ELFN2: variants seen among roughly 807,000 people sequenced by gnomAD.
ELFN2 encodes the protein protein phosphatase 1 regulatory subunit 29.
A neutral mutation model predicts 45.5 loss-of-function variants in ELFN2; 17 were observed. That is an observed-to-expected ratio of 0.37 (90% CI 0.26 to 0.56). The LOEUF (loss-of-function observed/expected upper bound fraction) is 0.56. ELFN2 is among the 20% of genes least tolerant of loss of function. The pLI is 0.77. For missense variants in ELFN2, 922 were observed against 1,183.2 expected (o/e 0.78, Z 3.24); for synonymous variants, 550 against 551.5 (o/e 1.00, Z 0.04).
chr22:37,363,264 A>G (rs1315774842), downstream of ELFN2, among the ~76,000 whole-genome samples: 1 of 152,204 alleles, frequency 6.6e-6, no homozygotes, highest in Non-Finnish European at 1.5e-5. Context: ...ACTGAAGTCT[A>G]TAAATTCACA....
At chr22:37,422,405 A>AT (rs1390286832) in intron 1 of ELFN2, among the ~76,000 whole-genome samples, 1 of 151,920 alleles carries the variant, frequency 6.6e-6, no homozygotes. Context: ...TGGTTGTTTT[A>AT]TTGTTGCTGT....
At chr22:37,356,444 T>C (rs1930951572) in intron 1 of ELFN2, among the ~76,000 whole-genome samples, 1 of 151,802 alleles carries the variant, frequency 6.6e-6, no homozygotes, top group African/African-American at 2.4e-5. Context: ...GGATTCAGGG[T>C]CCTAGAGGTG....
At chr22:37,350,717 A>C (rs1180259691) in intron 1 of ELFN2, among the ~76,000 whole-genome samples, 1 of 150,390 alleles carries the variant, frequency 6.6e-6, no homozygotes, top group Non-Finnish European at 1.5e-5. Context: ...GAATTGTGTC[A>C]GGAGTGCCAG....
rs148502713 is a variant in ELFN2, at chr22:37,375,397, G to A, written c.138C>T (p.Tyr46=). 395 of 1,614,152 alleles carry A rather than the reference G, an allele frequency of 2.4e-4. No homozygotes were observed. Among genetic ancestry groups the A allele is most frequent in the Middle Eastern group, 2.0e-3 (12 of 6,062 alleles). ...TATTGATGTGCTGCGGGATGGTCTC[G>A]TAGGGCGGCTGGTTCTGGCTGCAGA... The part of the protein sequence containing the change: ...LAICSQNQPP[Y]ETIPQHINST... Residue 46 remains tyrosine, a synonymous_variant, in exon 3 of 3, where the codon TAC becomes TAT. Transcript: ENST00000402918.
At chr22:37,356,244 G>A (rs1451968269) in intron 1 of ELFN2, among the ~76,000 whole-genome samples, 2 of 152,090 alleles carry the variant, frequency 1.3e-5, no homozygotes, top group African/African-American at 2.4e-5. Context: ...ACCTGCCCCT[G>A]GGCTCTACCA....
rs1451494085 is a variant in ELFN2 at position 37,348,556 on chromosome 22, C to T, written n.149-5853G>A. 4.0e-5 allele frequency among the ~76,000 whole-genome samples: 6 copies of T among 150,808 alleles called. No homozygotes were observed. The South Asian group carries it at 6.3e-4, about 16-fold the overall frequency. On this transcript the variant is annotated intron_variant and non_coding_transcript_variant, in intron 1 of 2. Coordinates refer to ENST00000452946, the Ensembl canonical transcript of ELFN2. ...TGGCCTTGCAGGGAAAAGCAAGGTCCGGAAGGTGAGGCCCAGCCCCGGGCC... is the reference window on the plus strand; with the variant it reads ...TGGCCTTGCAGGGAAAAGCAAGGTCTGGAAGGTGAGGCCCAGCCCCGGGCC...
chr22:37,388,880 C>T (rs541054132), intron 2 of ELFN2, among the ~76,000 whole-genome samples: 1 of 152,224 alleles, frequency 6.6e-6, no homozygotes, highest in Non-Finnish European at 1.5e-5. Context: ...TTTTCCTGAC[C>T]TCACCCTCCA....
Position 37,373,940 on chromosome 22 carries a change from G to A in ELFN2, c.1595C>T (p.Ala532Val). The change falls in exon 3 of 3, where the codon GCA becomes GTA. Residue 532 changes from alanine to valine, a missense_variant. Ala to Val is a moderately conservative substitution (Grantham distance 64). Transcript: ENST00000402918. ...CTCCTTGGCAATGGTGGAGATCTCT[G>A]CAGCCGAGCCCTGGCCGTTCTCGAG... is the stretch of plus-strand genomic sequence containing the variant. ...PDLENGQGSA[A>V]EISTIAKEVD... is the part of the protein sequence containing the mutation. 1 of 1,613,178 alleles carries A rather than the reference G, an allele frequency of 6.2e-7. No individual in the cohort carries two copies. Among genetic ancestry groups the A allele is most frequent in the Non-Finnish European group, 8.5e-7 (1 of 1,179,966 alleles).
chr22:37,342,413 G>A (rs562227883), intron 2 of ELFN2, among the ~76,000 whole-genome samples: 1 of 152,274 alleles, frequency 6.6e-6, no homozygotes, highest in African/African-American at 2.4e-5. Context: ...GCAGAGGAGG[G>A]GGAGAAGGAG....
At position 37,375,105 on chromosome 22, in the gene ELFN2, GCGTCACCACCT is replaced by G; in HGVS notation, c.419_429del (p.Glu140AlafsTer38). 6.2e-7 allele frequency: 1 copy of G among 1,613,720 alleles called. No individual in the cohort carries two copies. Among genetic ancestry groups the G allele is most frequent in the Non-Finnish European group, 8.5e-7 (1 of 1,180,008 alleles). Reference sequence around the variant, plus strand: ...CTCGGGCACTCGGAGAAGGCGGTGGGCGTCACCACCTCGATGAGGTTGTGCTGGACAAAGAG... The same window carrying G: ...CTCGGGCACTCGGAGAAGGCGGTGGGCGATGAGGTTGTGCTGGACAAAGAG... On this transcript the variant is annotated frameshift_variant, in exon 3 of 3. Coordinates refer to ENST00000402918, the MANE Select transcript of ELFN2 (RefSeq NM_052906.5). LOFTEE classifies it high-confidence loss of function.
intron 2 of ELFN2, among the ~76,000 whole-genome samples, chr22:37,397,689 G>A (rs1201791313): frequency 6.6e-6 from 1 of 152,190 alleles, no homozygotes; most frequent in Non-Finnish European, 1.5e-5. Context: ...TGAGGAAACT[G>A]AGGCTCCAAG....
At chr22:37,386,691 C>T (rs1364141300) in intron 2 of ELFN2, among the ~76,000 whole-genome samples, 4 of 152,150 alleles carry the variant, frequency 2.6e-5, no homozygotes, top group Non-Finnish European at 4.4e-5. Flanking sequence ...CATCGAGCCC[C>T]GGAAACTCCC....
intron 1 of ELFN2, among the ~76,000 whole-genome samples, chr22:37,350,899 C>T (rs1383737895): frequency 6.6e-6 from 1 of 150,572 alleles, no homozygotes. Context: ...ACCCTTACCC[C>T]CTGACCCATT....
intron 2 of ELFN2, among the ~76,000 whole-genome samples, chr22:37,378,156 C>G (rs1466000067): frequency 6.6e-6 from 1 of 152,208 alleles, no homozygotes; most frequent in Non-Finnish European, 1.5e-5. Context: ...GATGGGCGGG[C>G]AGGCGCGTGT....
chr22:37,362,436 G>A (rs74866008), intron 1 of ELFN2, among the ~76,000 whole-genome samples: 2,418 of 152,322 alleles, frequency 0.016, 31 homozygotes, highest in Non-Finnish European at 0.023. Context: ...ATTTGGAGCA[G>A]ACATCTCAGC....
At chr22:37,404,284 G>C (rs1026488695) in intron 2 of ELFN2, among the ~76,000 whole-genome samples, 2 of 152,202 alleles carry the variant, frequency 1.3e-5, no homozygotes, top group South Asian at 4.1e-4. Flanking sequence ...CCTGTGAGGA[G>C]GCTGCAACGA....
intron 1 of ELFN2, among the ~76,000 whole-genome samples, chr22:37,360,627 C>T (rs1234526541): frequency 1.3e-5 from 2 of 152,158 alleles, no homozygotes; most frequent in South Asian, 2.1e-4. Context: ...TGAGGGGAGT[C>T]GATGATCAGC....
chr22:37,393,651 A>G (rs1182109445), intron 2 of ELFN2, among the ~76,000 whole-genome samples: 1 of 152,170 alleles, frequency 6.6e-6, no homozygotes, highest in East Asian at 1.9e-4. Flanking sequence ...CAGATAGGAA[A>G]GCTGAGGCCA....
chr22:37,415,839 A>C (rs1932754776), intron 2 of ELFN2, among the ~76,000 whole-genome samples: 1 of 152,168 alleles, frequency 6.6e-6, no homozygotes, highest in African/African-American at 2.4e-5. Context: ...GCACGCGCCT[A>C]TAGTCCCAGC....
Sources: gnomAD v4.1 joint callset for allele counts (sites outside exome capture counted in the v4.1 genomes callset) on GRCh38, gnomAD v4.1.1 for gene constraint, MANE v1.5 for transcripts, NCBI Gene and HGNC (gene_info 2026-07-23, HGNC 2026-07-21) for gene names.